SCAPER: variants seen among roughly 807,000 people sequenced by gnomAD.
SCAPER encodes the protein S phase cyclin A-associated protein in the endoplasmic reticulum.
Under a neutral mutation model 182.2 loss-of-function variants are expected in SCAPER, and 98 were observed. The ratio of observed to expected loss-of-function variants is 0.54; its 90% CI spans 0.46 to 0.64. The LOEUF is 0.64. Among genes scored for constraint, SCAPER ranks in the 30% least tolerant of loss-of-function variants. The probability of loss-of-function intolerance (pLI) is 0.00; values close to 1 mark genes in which losing one functional copy is unlikely to be tolerated. For synonymous variants in SCAPER, 605 were observed against 564.6 expected, an observed-to-expected ratio of 1.07 and a Z score of -1.01; for missense variants, 1,432 against 1,690.0, an observed-to-expected ratio of 0.85 and a Z score of 2.68.
At chr15:76,441,022 C>T (rs867333837) in intron 25 of SCAPER, among the ~76,000 whole-genome samples, 20 of 148,318 alleles carry the variant, frequency 1.3e-4, no homozygotes, top group Middle Eastern at 3.3e-3. Flanking sequence ...CCCAGGTTCA[C>T]GCCATTCTCC....
chr15:76,810,560 CA>C (rs2066522114), intron 5 of SCAPER, among the ~76,000 whole-genome samples: 2 of 145,732 alleles, frequency 1.4e-5, no homozygotes, highest in African/African-American at 5.0e-5. Flanking sequence ...ACCACACACA[CA>C]CACACACACA....
At chr15:76,751,849 A>G (rs143285057) in intron 15 of SCAPER, among the ~76,000 whole-genome samples, 99 of 151,960 alleles carry the variant, frequency 6.5e-4, no homozygotes, top group African/African-American at 2.2e-3. Context: ...CACCAAAGTC[A>G]CAGGCAACAA....
At chr15:76,621,727 A>G (rs1012671372) in intron 22 of SCAPER, 37 bp downstream of exon 22, 19 of 1,521,148 alleles carry the variant, frequency 1.2e-5, no homozygotes, top group African/African-American at 1.4e-5. Context: ...ACAGGCATAG[A>G]CTGAAGAAAA....
intron 5 of SCAPER, among the ~76,000 whole-genome samples, chr15:76,816,711 G>A (rs2067113417): frequency 1.3e-5 from 2 of 150,378 alleles, no homozygotes; most frequent in African/African-American, 2.5e-5. Context: ...GGAGTGCAGT[G>A]GCGCTATCTC....
At chr15:76,350,197 C>T (rs929159910) in intron 31 of SCAPER, 10 of 152,072 alleles carry the variant, frequency 6.6e-5, no homozygotes, top group African/African-American at 2.4e-4. Flanking sequence ...CAAATGGTAC[C>T]GACAAGGATG....
At chr15:76,683,527 G>C (rs981962046) in intron 20 of SCAPER, among the ~76,000 whole-genome samples, 2 of 151,878 alleles carry the variant, frequency 1.3e-5, no homozygotes, top group Non-Finnish European at 2.9e-5. Context: ...ATGCTAGAAA[G>C]GCCATAATTC....
At chr15:76,648,401 C>T (rs1315428465) in intron 21 of SCAPER, among the ~76,000 whole-genome samples, 4 of 152,060 alleles carry the variant, frequency 2.6e-5, no homozygotes, top group African/African-American at 9.7e-5. Flanking sequence ...ATAAAATGTT[C>T]TGTATTAAGT....
At chr15:76,402,398 C>G (rs560527063) in intron 27 of SCAPER, among the ~76,000 whole-genome samples, 1 of 152,154 alleles carries the variant, frequency 6.6e-6, no homozygotes, top group Non-Finnish European at 1.5e-5. Flanking sequence ...CAGATGACCA[C>G]GTGAACCAAA....
chr15:76,605,937 G>T (rs564671881), intron 22 of SCAPER, among the ~76,000 whole-genome samples: 2 of 152,194 alleles, frequency 1.3e-5, no homozygotes, highest in East Asian at 3.9e-4. Flanking sequence ...CTTGCTAGCG[G>T]TCTATCAATT....
Position 76,767,092 on chromosome 15 carries a change from T to C in SCAPER, c.1249-4A>G, listed in dbSNP as rs1292339904. 1 of 1,567,156 alleles carries C rather than the reference T, an allele frequency of 6.4e-7. No homozygotes were observed. Among genetic ancestry groups the C allele is most frequent in the Non-Finnish European group, 8.6e-7 (1 of 1,158,008 alleles). ...TAGCAAGGACTTCTGCCATGGACTATAAAGTTAAAAACACATAAACAAAAA... is the reference window on the plus strand; with the variant it reads ...TAGCAAGGACTTCTGCCATGGACTACAAAGTTAAAAACACATAAACAAAAA... On this transcript the variant is annotated splice_polypyrimidine_tract_variant and splice_region_variant and intron_variant, in intron 10 of 31. Coordinates refer to ENST00000563290, the MANE Select transcript of SCAPER (RefSeq NM_020843.4).
chr15:76,781,515 T>A lies in SCAPER; in HGVS notation c.773-6398A>T, dbSNP rs184856832. Among the ~76,000 whole-genome samples the A allele has an allele frequency of 2.2e-3, 337 of 152,254 alleles. 1 individual carries two copies. The highest frequency in any genetic ancestry group is 7.8e-3 in the African/African-American group (323 of 41,528). On this transcript the variant is annotated intron_variant, in intron 8 of 31. Coordinates refer to ENST00000563290, the MANE Select transcript of SCAPER (RefSeq NM_020843.4). ...CCCAACCTAGCAAGACAGGCCAACA[T>A]TCAACTTCAGGAACTACAGAGAATA... is the stretch of plus-strand genomic sequence containing the variant.
At chr15:76,787,354 T>A (rs1248357228) in intron 8 of SCAPER, among the ~76,000 whole-genome samples, 1 of 152,092 alleles carries the variant, frequency 6.6e-6, no homozygotes, top group Non-Finnish European at 1.5e-5. Context: ...AAATTGCAAA[T>A]GCAATTCAAC....
intron 21 of SCAPER, among the ~76,000 whole-genome samples, chr15:76,646,322 T>C (rs1049615114): frequency 1.3e-5 from 2 of 152,156 alleles, no homozygotes; most frequent in Non-Finnish European, 2.9e-5. Context: ...GAATATGTTC[T>C]TGATAGTCAA....
intron 20 of SCAPER, among the ~76,000 whole-genome samples, chr15:76,666,568 A>G (rs976284482): frequency 2.0e-5 from 3 of 152,184 alleles, no homozygotes; most frequent in African/African-American, 7.2e-5. Flanking sequence ...GAAGCAGATT[A>G]ATGTGGCTAT....
At position 76,599,663 on chromosome 15, in the gene SCAPER, A is replaced by G. The variant is rs540340446; in HGVS notation, c.2711+22101T>C. On this transcript the variant is annotated intron_variant, in intron 22 of 31. Transcript: ENST00000563290. The stretch of plus-strand genomic sequence containing the variant: ...GATTTCATTTATAGCAAGCTCTACA[A>G]CAGATGATTCTCATCTGTGGTGAAA... 9.0e-5 allele frequency among the ~76,000 whole-genome samples: 11 copies of G among 122,230 alleles called. 2 individuals carry two copies. Among genetic ancestry groups the G allele is most frequent in the African/African-American group, 2.3e-4 (9 of 39,920 alleles). The allele number at this position is 122,230 out of a possible 152,430, so 80.2% of individuals were successfully genotyped here.
At chr15:76,754,457 C>T (rs773268243) in intron 14 of SCAPER, among the ~76,000 whole-genome samples, 1 of 151,990 alleles carries the variant, frequency 6.6e-6, no homozygotes, top group Non-Finnish European at 1.5e-5. Context: ...ACATTATTTG[C>T]ATAAGAAACA....
At chr15:76,376,392 T>C (rs2042568961) in intron 28 of SCAPER, 81 bp from the exon 29 acceptor site, 1 of 1,418,262 alleles carries the variant, frequency 7.1e-7, no homozygotes. Flanking sequence ...ACTGGCCCTG[T>C]GTACTTTCTG....
At chr15:76,376,462 G>T (rs1236855790) in intron 28 of SCAPER, among the ~76,000 whole-genome samples, 151 bp from the exon 29 acceptor site, 1 of 152,116 alleles carries the variant, frequency 6.6e-6, no homozygotes, top group African/African-American at 2.4e-5. Context: ...TTAGTTTAGG[G>T]GTTCTTGTTC....
intron 4 of SCAPER, among the ~76,000 whole-genome samples, chr15:76,856,430 T>C (rs1312262529): frequency 2.0e-5 from 3 of 151,660 alleles, no homozygotes; most frequent in Admixed American, 1.3e-4. Flanking sequence ...AAAATACATA[T>C]ACATATATAA....
Sources: gnomAD v4.1 joint callset for allele counts (sites outside exome capture counted in the v4.1 genomes callset) on GRCh38, gnomAD v4.1.1 for gene constraint, MANE v1.5 for transcripts, NCBI Gene and HGNC (gene_info 2026-07-23, HGNC 2026-07-21) for gene names.